The following EXOC6B variants were observed in gnomAD, a reference collection of about 807,000 sequenced individuals.
EXOC6B encodes the protein SEC15 homolog B.
Under a neutral mutation model 113.5 loss-of-function variants are expected in EXOC6B, and 54 were observed. The ratio of observed to expected loss-of-function variants is 0.48; its 90% CI spans 0.38 to 0.60. The LOEUF (loss-of-function observed/expected upper bound fraction) is 0.60. Among genes scored for constraint, EXOC6B ranks in the 20% least tolerant of loss-of-function variants. The pLI is 0.00. For missense variants in EXOC6B, 797 were observed against 977.5 expected, an observed-to-expected ratio of 0.82 and a Z score of 2.46; for synonymous variants, 357 against 339.0, an observed-to-expected ratio of 1.05 and a Z score of -0.58.
At chr2:72,239,304 T>G (rs570378038) in intron 20 of EXOC6B, among the ~76,000 whole-genome samples, 2 of 152,334 alleles carry the variant, frequency 1.3e-5, no homozygotes, top group East Asian at 3.9e-4. Flanking sequence ...TTCTCAGGAT[T>G]ATAGTTTTAG....
At chr2:72,644,062 G>C (rs905730754) in intron 6 of EXOC6B, among the ~76,000 whole-genome samples, 1 of 152,066 alleles carries the variant, frequency 6.6e-6, no homozygotes, top group African/African-American at 2.4e-5. Flanking sequence ...AAGGTTAGAC[G>C]AATGGCTAAC....
At chr2:72,552,860 G>C (rs1703319966) in intron 8 of EXOC6B, among the ~76,000 whole-genome samples, 2 of 151,628 alleles carry the variant, frequency 1.3e-5, no homozygotes, top group Admixed American at 6.6e-5. Context: ...CAAGAGTCTA[G>C]GAATAACTAA....
chr2:72,539,445 C>A lies in EXOC6B; in HGVS notation c.915+20008G>T, dbSNP rs1183237505. Among the ~76,000 whole-genome samples, 9 of 152,316 alleles carry A rather than the reference C, an allele frequency of 5.9e-5. No homozygotes were observed. In the East Asian group the frequency reaches 1.7e-3, roughly 29 times the overall value. Reference sequence around the variant, plus strand: ...ATAACCACATTTGACCTAAACTGTGCTGACTAAACAAGGTACCCTGTGTTT... The same window carrying A: ...ATAACCACATTTGACCTAAACTGTGATGACTAAACAAGGTACCCTGTGTTT... On this transcript the variant is annotated intron_variant, in intron 8 of 21. Transcript: ENST00000272427.
intron 12 of EXOC6B, 89 bp downstream of exon 12, chr2:72,499,812 G>T: frequency 1.1e-6 from 1 of 876,700 alleles, no homozygotes; most frequent in Non-Finnish European, 1.8e-6. Flanking sequence ...ATGATTACAG[G>T]CAAAAGCCAC....
intron 6 of EXOC6B, among the ~76,000 whole-genome samples, chr2:72,657,150 CAACTT>C (rs901992894): frequency 6.6e-6 from 1 of 150,658 alleles, no homozygotes; most frequent in African/African-American, 2.4e-5. Context: ...CGTGCCTGGC[CAACTT>C]AACTTATTTT....
chr2:72,625,411 C>A (rs1408688276), intron 6 of EXOC6B, among the ~76,000 whole-genome samples: 2 of 152,082 alleles, frequency 1.3e-5, no homozygotes, highest in African/African-American at 4.8e-5. Context: ...CCAGAACCCT[C>A]AAAACAGCTC....
chr2:72,656,099 A>G (rs1368452130), intron 6 of EXOC6B, among the ~76,000 whole-genome samples: 1 of 152,146 alleles, frequency 6.6e-6, no homozygotes, highest in Non-Finnish European at 1.5e-5. Context: ...AAAATGCCCA[A>G]AAACATTTTG....
chr2:72,628,159 C>A (rs964234476), intron 6 of EXOC6B, among the ~76,000 whole-genome samples: 1 of 151,966 alleles, frequency 6.6e-6, no homozygotes, highest in Non-Finnish European at 1.5e-5. Context: ...GGATCTTGCT[C>A]TGTCCCCCAG....
intron 1 of EXOC6B, among the ~76,000 whole-genome samples, chr2:72,817,896 C>T (rs998226464): frequency 5.9e-5 from 9 of 152,198 alleles, no homozygotes. Flanking sequence ...GCAAACATCC[C>T]CTAACTGGTT....
chr2:72,346,748 G>A (rs1689360422), intron 19 of EXOC6B, among the ~76,000 whole-genome samples: 1 of 152,108 alleles, frequency 6.6e-6, no homozygotes, highest in African/African-American at 2.4e-5. Context: ...TCCTTATGAA[G>A]GAGGAAGAGT....
At chr2:72,245,656 G>T (rs1682604824) in intron 20 of EXOC6B, among the ~76,000 whole-genome samples, 1 of 152,138 alleles carries the variant, frequency 6.6e-6, no homozygotes, top group Non-Finnish European at 1.5e-5. Flanking sequence ...GGAAAGTGAG[G>T]GAGAGAAGAA....
In EXOC6B at chr2:72,513,264, G is replaced by A. The variant is rs1469241437; in HGVS notation, c.1047-12C>T. ...CAACCACAAAAAAGCTAAGATTGAG[G>A]AAAAAAGAAAGCACAGCTGTCAGAA... is the stretch of plus-strand genomic sequence containing the variant. On this transcript the variant is annotated splice_polypyrimidine_tract_variant and intron_variant, in intron 10 of 21. Coordinates refer to ENST00000272427, the MANE Select transcript of EXOC6B (RefSeq NM_015189.3). The A allele has an allele frequency of 1.2e-6, 2 of 1,609,440 alleles. No homozygotes were observed. Among genetic ancestry groups the A allele is most frequent in the Non-Finnish European group, 1.7e-6 (2 of 1,178,030 alleles).
chr2:72,427,360 G>T (rs1169798385), intron 18 of EXOC6B, among the ~76,000 whole-genome samples: 1 of 152,146 alleles, frequency 6.6e-6, no homozygotes, highest in East Asian at 1.9e-4. Context: ...GGGTGTCTCT[G>T]CACTCTGCAC....
intron 19 of EXOC6B, among the ~76,000 whole-genome samples, chr2:72,379,471 C>A (rs1691551849): frequency 2.6e-5 from 4 of 152,194 alleles, no homozygotes; most frequent in Non-Finnish European, 5.9e-5. Context: ...GCACGCCTCC[C>A]TTATATCACC....
intron 7 of EXOC6B, among the ~76,000 whole-genome samples, chr2:72,573,487 G>C (rs1420998626): frequency 6.6e-6 from 1 of 152,192 alleles, no homozygotes. Context: ...CAAGAAGGGA[G>C]AATGCTAGAA....
chr2:72,568,482 C>A (rs1430310348), intron 7 of EXOC6B, among the ~76,000 whole-genome samples: 1 of 151,926 alleles, frequency 6.6e-6, no homozygotes, highest in Non-Finnish European at 1.5e-5. Flanking sequence ...ATGAATGATG[C>A]ATGCCACTTT....
At chr2:72,665,275 T>C (rs558922598) in intron 6 of EXOC6B, among the ~76,000 whole-genome samples, 7 of 151,988 alleles carry the variant, frequency 4.6e-5, no homozygotes, top group Non-Finnish European at 7.4e-5. Flanking sequence ...TTGGAAAAAA[T>C]ATTTGAAGAT....
intron 20 of EXOC6B, among the ~76,000 whole-genome samples, chr2:72,217,925 AT>A (rs1352868462): frequency 3.3e-5 from 5 of 152,216 alleles, no homozygotes; most frequent in African/African-American, 7.2e-5. Flanking sequence ...TATGCTAAGC[AT>A]TTTTATATAT....
At chr2:72,782,973 CA>C (rs1272635941) in intron 1 of EXOC6B, among the ~76,000 whole-genome samples, 2 of 152,168 alleles carry the variant, frequency 1.3e-5, no homozygotes, top group Admixed American at 1.3e-4. Flanking sequence ...TTTTGCCCTG[CA>C]AAACAGCATG....
Sources: gnomAD v4.1 joint callset for allele counts (sites outside exome capture counted in the v4.1 genomes callset) on GRCh38, gnomAD v4.1.1 for gene constraint, MANE v1.5 for transcripts, NCBI Gene and HGNC (gene_info 2026-07-23, HGNC 2026-07-21) for gene names.